ZNF624: variants seen among roughly 807,000 people sequenced by gnomAD.
ZNF624 encodes zinc finger protein 624.
ZNF624 carries 43 observed loss-of-function variants against 74.7 expected under a neutral mutation model. That is an observed-to-expected ratio of 0.58 (90% CI 0.45 to 0.74). ZNF624 has a LOEUF of 0.74. Ranked by LOEUF, ZNF624 falls within the 30% of genes least tolerant of loss-of-function variation. ZNF624 has a pLI of 0.00. For missense variants in ZNF624, 820 were observed against 1,030.0 expected (o/e 0.80, Z 2.79); for synonymous variants, 331 against 341.3 (o/e 0.97, Z 0.33).
intron 3 of ZNF624, among the ~76,000 whole-genome samples, chr17:16,645,144 T>A (rs1344018892): frequency 1.3e-5 from 2 of 152,178 alleles, no homozygotes; most frequent in African/African-American, 4.8e-5. Context: ...TTCGTCAAGA[T>A]TATATAATAA....
intron 3 of ZNF624, among the ~76,000 whole-genome samples, 193 bp downstream of exon 3, chr17:16,647,136 G>C (rs1181020091): frequency 6.6e-6 from 1 of 152,174 alleles, no homozygotes; most frequent in Non-Finnish European, 1.5e-5. Flanking sequence ...ATCACGATGT[G>C]ACTATCTGGC....
At chr17:16,652,503 TG>T (rs1909749806) in intron 1 of ZNF624, among the ~76,000 whole-genome samples, 1 of 141,816 alleles carries the variant, frequency 7.1e-6, no homozygotes, top group Admixed American at 6.7e-5. Flanking sequence ...CAATACTTTA[TG>T]TAGATTATGT....
chr17:16,643,028 C>T (rs1331004698), intron 3 of ZNF624, among the ~76,000 whole-genome samples: 1 of 152,154 alleles, frequency 6.6e-6, no homozygotes, highest in Non-Finnish European at 1.5e-5. Context: ...CAATATCAAG[C>T]GTTGTTGAAG....
chr17:16,620,715 A>G (rs1908888133), downstream of ZNF624: 2 of 152,254 alleles, frequency 1.3e-5, no homozygotes, highest in Admixed American at 1.3e-4. Flanking sequence ...GAAGGTGTCC[A>G]ATAAATAAAA....
intron 1 of ZNF624, among the ~76,000 whole-genome samples, chr17:16,650,027 C>T (rs1327889575): frequency 6.6e-6 from 1 of 152,036 alleles, no homozygotes; most frequent in East Asian, 1.9e-4. Context: ...ATTCCCATTC[C>T]ATAGATGAGG....
At chr17:16,639,115 G>C (rs1341285850) in intron 3 of ZNF624, among the ~76,000 whole-genome samples, 3 of 152,146 alleles carry the variant, frequency 2.0e-5, no homozygotes, top group Non-Finnish European at 4.4e-5. Flanking sequence ...GAGAATTCCA[G>C]CTTGTAACCT....
chr17:16,642,838 C>T (rs1211494480), intron 3 of ZNF624, among the ~76,000 whole-genome samples: 2 of 152,006 alleles, frequency 1.3e-5, no homozygotes, highest in African/African-American at 4.8e-5. Context: ...ACAAATAACC[C>T]AATAAAAAAT....
intron 1 of ZNF624, 39 bp from the exon 2 acceptor site, chr17:16,649,785 T>G: frequency 6.4e-7 from 1 of 1,557,824 alleles, no homozygotes; most frequent in African/African-American, 1.4e-5. Context: ...CAATCCTGCC[T>G]GGGGAATTTC....
chr17:16,632,367 A>G lies in ZNF624; in HGVS notation c.376+1495T>C, dbSNP rs572010362. 1.5e-4 allele frequency among the ~76,000 whole-genome samples: 23 copies of G among 152,312 alleles called. No individual in the cohort carries two copies. The South Asian group carries it at 4.8e-3, about 32-fold the overall frequency. Reference sequence around the variant, plus strand: ...CTCTCTCCATTAAGGCAATCCTATCAGCACTCAAACATGTCATAGCAGCTC... The same window carrying G: ...CTCTCTCCATTAAGGCAATCCTATCGGCACTCAAACATGTCATAGCAGCTC... On this transcript the variant is annotated intron_variant, in intron 5 of 5. Transcript: ENST00000311331.
chr17:16,619,371 T>G (rs969103405), downstream of ZNF624, among the ~76,000 whole-genome samples: 61 of 152,194 alleles, frequency 4.0e-4, no homozygotes, highest in Admixed American at 7.2e-4. Flanking sequence ...AATTAAGAAC[T>G]TCTGTTCATC....
intron 3 of ZNF624, among the ~76,000 whole-genome samples, chr17:16,646,960 A>T (rs980825805): frequency 1.3e-5 from 2 of 152,348 alleles, no homozygotes; most frequent in South Asian, 4.1e-4. Context: ...CTACTCACAT[A>T]TAAGAAATCC....
intron 5 of ZNF624, among the ~76,000 whole-genome samples, chr17:16,626,094 C>T (rs1909065500): frequency 6.6e-6 from 1 of 152,152 alleles, no homozygotes; most frequent in African/African-American, 2.4e-5. Flanking sequence ...GGATTACAGG[C>T]ATGCGCCACC....
rs1051385669 is a variant in ZNF624, at chr17:16,634,771, T to C, written c.154-15A>G. The C allele has an allele frequency of 8.1e-6, 13 of 1,606,970 alleles. No homozygotes were observed. Among genetic ancestry groups the C allele is most frequent in the African/African-American group, 5.4e-5 (4 of 74,610 alleles). ...GTCACCGATTCCTAAAACAATTACATTGTGATCACTTAGAAACTATACAAT... is the reference window on the plus strand; with the variant it reads ...GTCACCGATTCCTAAAACAATTACACTGTGATCACTTAGAAACTATACAAT... On this transcript the variant is annotated splice_polypyrimidine_tract_variant and intron_variant, in intron 3 of 5. Transcript: ENST00000311331.
At chr17:16,647,466 C>T in intron 2 of ZNF624, 72 bp from the exon 3 acceptor site, 2 of 1,254,844 alleles carry the variant, frequency 1.6e-6, no homozygotes, top group Non-Finnish European at 2.3e-6. Context: ...CAACAAGCAC[C>T]ACCAATCCAC....
chr17:16,631,112 G>C (rs1444103155), intron 5 of ZNF624, among the ~76,000 whole-genome samples: 1 of 152,062 alleles, frequency 6.6e-6, no homozygotes, highest in African/African-American at 2.4e-5. Flanking sequence ...CAACAAGATT[G>C]CTAGAAAATT....
intron 5 of ZNF624, among the ~76,000 whole-genome samples, chr17:16,630,552 A>G (rs1210614617): frequency 6.6e-6 from 1 of 152,164 alleles, no homozygotes; most frequent in African/African-American, 2.4e-5. Flanking sequence ...AGTGAAACTC[A>G]GTCTCAAAAA....
intron 5 of ZNF624, among the ~76,000 whole-genome samples, chr17:16,625,960 T>A (rs111243961): frequency 9.6e-4 from 145 of 151,002 alleles, no homozygotes; most frequent in African/African-American, 2.8e-3. Context: ...TTTTTTTTTT[T>A]AATTTTTGAG....
intron 3 of ZNF624, among the ~76,000 whole-genome samples, chr17:16,640,718 T>C (rs949799399): frequency 5.9e-5 from 9 of 152,190 alleles, no homozygotes; most frequent in African/African-American, 2.2e-4. Context: ...TGGATAGATC[T>C]ATAACAAGTA....
At position 16,626,938 on chromosome 17, in the gene ZNF624, C is replaced by T. The variant is rs1027256996; in HGVS notation, c.377-2429G>A. Among the ~76,000 whole-genome samples, 11 of 152,122 alleles carry T rather than the reference C, an allele frequency of 7.2e-5. No individual in the cohort carries two copies. In the East Asian group the frequency reaches 2.1e-3, roughly 29 times the overall value. On this transcript the variant is annotated intron_variant, in intron 5 of 5. Coordinates refer to ENST00000311331, the MANE Select transcript of ZNF624 (RefSeq NM_020787.4). ...GGTGTGGTGGCACACGCTTATAATC[C>T]CAGCTACTCGGGAGGCTGAGGCAGA...
Sources: allele counts gnomAD v4.1 joint callset (sites outside exome capture counted in the v4.1 genomes callset), GRCh38; gene constraint gnomAD v4.1.1; transcripts MANE v1.5; gene names NCBI Gene and HGNC (gene_info 2026-07-23, HGNC 2026-07-21).